Variants in BTC observed in about 807,000 individuals in gnomAD.
The protein encoded by BTC is probetacellulin.
A neutral mutation model predicts 18.1 loss-of-function variants in BTC; 13 were observed. The ratio of observed to expected loss-of-function variants is 0.72; its 90% CI spans 0.47 to 1.14. BTC has a LOEUF of 1.14. Ranked by LOEUF, BTC falls within the 50% of genes most tolerant of loss-of-function variation. BTC has a pLI of 0.00. For missense variants in BTC, 247 were observed against 224.2 expected, an observed-to-expected ratio of 1.10 and a Z score of -0.65; for synonymous variants, 83 against 79.4, an observed-to-expected ratio of 1.05 and a Z score of -0.24.
chr4:74,757,404 T>G (rs370549577), intron 2 of BTC, among the ~76,000 whole-genome samples: 1 of 152,292 alleles, frequency 6.6e-6, no homozygotes, highest in East Asian at 1.9e-4. Flanking sequence ...TAACCACCTA[T>G]GCTGACTGCT....
intron 1 of BTC, among the ~76,000 whole-genome samples, chr4:74,791,161 C>G (rs750595539): frequency 6.8e-6 from 1 of 147,894 alleles, no homozygotes; most frequent in Non-Finnish European, 1.5e-5. Context: ...GGCCAACATG[C>G]CAAAACCCCG....
At chr4:74,778,431 G>A (rs556601376) in intron 1 of BTC, among the ~76,000 whole-genome samples, 1 of 152,192 alleles carries the variant, frequency 6.6e-6, no homozygotes, top group South Asian at 2.1e-4. Context: ...GTGAGAATAA[G>A]GAAGAAAGGA....
intron 2 of BTC, among the ~76,000 whole-genome samples, chr4:74,763,286 A>G (rs373621329): frequency 1.3e-5 from 2 of 152,138 alleles, no homozygotes; most frequent in African/African-American, 4.8e-5. Flanking sequence ...AATTATGCCA[A>G]TAACTTTACC....
intron 1 of BTC, among the ~76,000 whole-genome samples, chr4:74,771,894 A>G (rs1366009495): frequency 6.6e-6 from 1 of 152,246 alleles, no homozygotes; most frequent in East Asian, 1.9e-4. Context: ...GTTTAAAAAA[A>G]ATGTAGATTA....
At chr4:74,759,207 T>C (rs1269298471) in intron 2 of BTC, among the ~76,000 whole-genome samples, 5 of 152,130 alleles carry the variant, frequency 3.3e-5, no homozygotes, top group African/African-American at 4.8e-5. Context: ...GAGATATTTA[T>C]CAAGAAGAAG....
At chr4:74,750,828 C>A in intron 3 of BTC, 109 bp from the exon 4 acceptor site, 1 of 1,413,500 alleles carries the variant, frequency 7.1e-7, no homozygotes, top group Non-Finnish European at 9.7e-7. Context: ...TAATAAAGAA[C>A]ACAGTTCCCT....
Position 74,794,364 on chromosome 4 carries a change from T to C in BTC, c.-39A>G. On this transcript the variant is annotated 5_prime_UTR_variant, in exon 1 of 6. Coordinates refer to ENST00000395743, the MANE Select transcript of BTC (RefSeq NM_001729.4). ...CCGGGCCGGGCAGCCCCTAGACAAGTCTCCCTCCTTCTTCGCCCCCTTCCC... is the reference window on the plus strand; with the variant it reads ...CCGGGCCGGGCAGCCCCTAGACAAGCCTCCCTCCTTCTTCGCCCCCTTCCC... 1 of 1,488,900 alleles carries C rather than the reference T, an allele frequency of 6.7e-7. No individual in the cohort carries two copies. The highest frequency in any genetic ancestry group is 8.9e-7 in the Non-Finnish European group (1 of 1,118,982). The allele number at this position is 1,488,900 out of a possible 1,614,324, so 92.2% of individuals were successfully genotyped here. A position where few individuals can be genotyped will look rare whatever the true frequency, so the allele number is the denominator to read the frequency against.
chr4:74,777,602 C>G lies in BTC; in HGVS notation c.65-7446G>C, dbSNP rs560448121. ...CTATATTTTGGCCTCTCTGCATGTT[C>G]CTTCTTTCTAATTTTTGGAAGAAAT... is the stretch of plus-strand genomic sequence containing the variant. On this transcript the variant is annotated intron_variant, in intron 1 of 5. Coordinates refer to ENST00000395743, the MANE Select transcript of BTC (RefSeq NM_001729.4). Among the ~76,000 whole-genome samples the G allele has an allele frequency of 3.1e-3, 468 of 152,182 alleles. 4 individuals are homozygous for G. Among genetic ancestry groups the G allele is most frequent in the African/African-American group, 0.011 (450 of 41,518 alleles).
chr4:74,777,883 G>T (rs906957924), intron 1 of BTC, among the ~76,000 whole-genome samples: 1 of 152,058 alleles, frequency 6.6e-6, no homozygotes, highest in East Asian at 1.9e-4. Context: ...AAGTTTTTAA[G>T]TTGAAATCAA....
In BTC at chr4:74,744,986, C is replaced by A. The variant is rs994247661; in HGVS notation, c.*1691G>T. The A allele has an allele frequency of 1.3e-5, 2 of 152,068 alleles. No individual in the cohort carries two copies. The highest frequency in any genetic ancestry group is 2.4e-5 in the African/African-American group (1 of 41,424). 9.4% of individuals were successfully genotyped at this position (152,068 alleles called of 1,614,324 possible). A position where few individuals can be genotyped will look rare whatever the true frequency, so the allele number is the denominator to read the frequency against. On this transcript the variant is annotated 3_prime_UTR_variant, in exon 6 of 6. Transcript: ENST00000395743. The stretch of plus-strand genomic sequence containing the variant: ...TTTTGTTGGTCAGCCAAACTCAGTC[C>A]AGGAAAAAAGAAACATTAAAGCATT...
At chr4:74,789,388 G>T (rs753040279) in intron 1 of BTC, among the ~76,000 whole-genome samples, 3 of 152,162 alleles carry the variant, frequency 2.0e-5, no homozygotes, top group Non-Finnish European at 4.4e-5. Flanking sequence ...TAATTGAAAA[G>T]TTATCTGAAT....
chr4:74,776,349 C>G (rs1454493678), intron 1 of BTC, among the ~76,000 whole-genome samples: 5 of 151,996 alleles, frequency 3.3e-5, no homozygotes, highest in Admixed American at 3.3e-4. Flanking sequence ...TGCATTAAAG[C>G]AATACAAACA....
rs147622256 is a variant in BTC, at chr4:74,783,545, C to T, written c.64+10717G>A. Among the ~76,000 whole-genome samples, 436 of 146,666 alleles carry T rather than the reference C, an allele frequency of 3.0e-3. 2 individuals are homozygous for T. Among genetic ancestry groups the T allele is most frequent in the African/African-American group, 0.01 (396 of 39,236 alleles). ...AAGTTGGGTAGAATGATGCCTCCAG[C>T]CTTGTACTTTTTGTTTGGGAATGTG... On this transcript the variant is annotated intron_variant, in intron 1 of 5. Transcript: ENST00000395743.
chr4:74,757,681 CAATT>C (rs1577951928), intron 2 of BTC, among the ~76,000 whole-genome samples: 1 of 152,042 alleles, frequency 6.6e-6, no homozygotes, highest in Non-Finnish European at 1.5e-5. Flanking sequence ...CAAGAATAAA[CAATT>C]AACCGGTAAA....
intron 3 of BTC, among the ~76,000 whole-genome samples, chr4:74,755,216 G>A (rs1221621187): frequency 6.6e-6 from 1 of 152,156 alleles, no homozygotes; most frequent in Non-Finnish European, 1.5e-5. Flanking sequence ...AATTGCACTT[G>A]AAGAATCTCC....
At chr4:74,752,119 G>T (rs1724476830) in intron 3 of BTC, among the ~76,000 whole-genome samples, 1 of 152,128 alleles carries the variant, frequency 6.6e-6, no homozygotes, top group Non-Finnish European at 1.5e-5. Context: ...CTGAGACAGT[G>T]CTTCAAAACA....
chr4:74,750,418 G>GA (rs1724427650), intron 4 of BTC, among the ~76,000 whole-genome samples, 155 bp downstream of exon 4: 1 of 151,912 alleles, frequency 6.6e-6, no homozygotes, highest in South Asian at 2.1e-4. Context: ...GTTTTATTAT[G>GA]AATACTTCTA....
At chr4:74,772,860 C>T (rs560543436) in intron 1 of BTC, among the ~76,000 whole-genome samples, 2 of 152,344 alleles carry the variant, frequency 1.3e-5, no homozygotes, top group Admixed American at 1.3e-4. Context: ...ATTCTGCTCA[C>T]AGAGGGAGTT....
In BTC at chr4:74,745,237, T is replaced by C. The variant is rs553281502; in HGVS notation, c.*1440A>G. 6 of 152,222 alleles carry C rather than the reference T, an allele frequency of 3.9e-5. No homozygotes were observed. The highest frequency in any genetic ancestry group is 1.2e-4 in the African/African-American group (5 of 41,454). 9.4% of individuals were successfully genotyped at this position (152,222 alleles called of 1,614,324 possible). On this transcript the variant is annotated 3_prime_UTR_variant, in exon 6 of 6. Transcript: ENST00000395743. ...AGTTGTTTGGCTTAGCTTTTACTAA[T>C]AGGGGAGCTATTTATGTATCATATG...
Sources: gnomAD v4.1 joint callset for allele counts (sites outside exome capture counted in the v4.1 genomes callset) on GRCh38, gnomAD v4.1.1 for gene constraint, MANE v1.5 for transcripts, NCBI Gene and HGNC (gene_info 2026-07-23, HGNC 2026-07-21) for gene names.